Variants in SLCO3A1 observed in about 807,000 individuals in gnomAD.
The protein encoded by SLCO3A1 is solute carrier organic anion transporter family member 3A1.
A neutral mutation model predicts 63.1 loss-of-function variants in SLCO3A1; 27 were observed. The observed-to-expected ratio is 0.43, with a 90% CI of 0.32 to 0.59. SLCO3A1 has a LOEUF of 0.59. Ranked by LOEUF, SLCO3A1 falls within the 20% of genes least tolerant of loss-of-function variation. The pLI is 0.09. For synonymous variants in SLCO3A1, 473 were observed against 409.9 expected (o/e 1.15, Z -1.86); for missense variants, 773 against 945.8 (o/e 0.82, Z 2.40).
At chr15:91,864,782 C>T (rs771926047) in intron 1 of SLCO3A1, among the ~76,000 whole-genome samples, 2 of 152,188 alleles carry the variant, frequency 1.3e-5, no homozygotes, top group Admixed American at 6.5e-5. Flanking sequence ...TGAGGTCTGT[C>T]GCCTTGGTGC....
intron 3 of SLCO3A1, among the ~76,000 whole-genome samples, chr15:92,096,155 C>A (rs1165300422): frequency 6.6e-6 from 1 of 152,122 alleles, no homozygotes; most frequent in African/African-American, 2.4e-5. Context: ...TTGGATCATC[C>A]CAAGGCTCAG....
At position 92,128,424 on chromosome 15, in the gene SLCO3A1, A is replaced by G. The variant is rs2047952105; in HGVS notation, c.1447A>G (p.Thr483Ala). ...CTGTGAATGCCAAACCGATTCCTTC[A>G]CTCCAGTGTGTGGGGCAGATGGCAT... ...NNCECQTDSF[T>A]PVCGADGITY... The change falls in exon 7 of 10, where the codon ACT becomes GCT. Residue 483 changes from threonine to alanine, a missense_variant. Thr to Ala is a moderately conservative substitution (Grantham distance 58). Coordinates refer to ENST00000318445, the MANE Select transcript of SLCO3A1 (RefSeq NM_013272.4). 6.2e-7 allele frequency: 1 copy of G among 1,613,530 alleles called. No homozygotes were observed. Among genetic ancestry groups the G allele is most frequent in the East Asian group, 2.2e-5 (1 of 44,860 alleles).
rs1408369059 is a variant in SLCO3A1, at chr15:92,084,150, TATA to T, written c.647-10725_647-10723del. Among the ~76,000 whole-genome samples the T allele has an allele frequency of 2.6e-5, 4 of 152,320 alleles. No individual in the cohort carries two copies. The East Asian group carries it at 7.7e-4, about 29-fold the overall frequency. On this transcript the variant is annotated intron_variant, in intron 2 of 9. Coordinates refer to ENST00000318445, the MANE Select transcript of SLCO3A1 (RefSeq NM_013272.4). ...CGCATATGAAGAAAGACAGTACAAA[TATA>T]ATAATGCCTAAAGGGAAATATGAGA...
intron 8 of SLCO3A1, 88 bp downstream of exon 8, chr15:92,147,247 G>C (rs1321264464): frequency 4.5e-6 from 6 of 1,337,296 alleles, no homozygotes; most frequent in Non-Finnish European, 6.2e-6. Flanking sequence ...CAGACAACAG[G>C]AATCTCTCGA....
rs546250011 is a variant in SLCO3A1, at chr15:92,033,437, G to A, written c.647-61444G>A. On this transcript the variant is annotated intron_variant, in intron 2 of 9. Transcript: ENST00000318445. The surrounding 1 kb of genome is among the most constrained non-coding windows in gnomAD (Gnocchi z 4.5). ...GAGAAGTAACGATGTTCACGCTTGG[G>A]CAGCTGGATGGACACGTCGTGGAGT... 2.0e-5 allele frequency among the ~76,000 whole-genome samples: 3 copies of A among 152,270 alleles called. No individual in the cohort carries two copies. The South Asian group carries it at 6.2e-4, about 32-fold the overall frequency.
chr15:92,032,647 G>T (rs1421581340), intron 2 of SLCO3A1, among the ~76,000 whole-genome samples: 1 of 150,896 alleles, frequency 6.6e-6, no homozygotes, highest in Non-Finnish European at 1.5e-5. Context: ...AAAGCCCTGG[G>T]TGCGGTGATT....
chr15:92,086,212 GT>G (rs891974717), intron 2 of SLCO3A1, among the ~76,000 whole-genome samples: 2 of 152,212 alleles, frequency 1.3e-5, no homozygotes, highest in Non-Finnish European at 2.9e-5. Context: ...ACACTGCCAA[GT>G]TTTGCCAAGG....
At chr15:92,039,045 A>G (rs566368256) in intron 2 of SLCO3A1, among the ~76,000 whole-genome samples, 140 of 152,330 alleles carry the variant, frequency 9.2e-4, no homozygotes, top group African/African-American at 3.2e-3. Flanking sequence ...CTGGCTAGCC[A>G]TATTTAGAAA....
chr15:92,050,923 T>C (rs1319824018), intron 2 of SLCO3A1, among the ~76,000 whole-genome samples: 1 of 152,074 alleles, frequency 6.6e-6, no homozygotes. Flanking sequence ...TCACGCATGC[T>C]TTTCCCTCCA....
At chr15:91,961,114 C>T (rs757733591) in intron 2 of SLCO3A1, among the ~76,000 whole-genome samples, 1 of 152,218 alleles carries the variant, frequency 6.6e-6, no homozygotes, top group African/African-American at 2.4e-5. Context: ...TGACTTTAAG[C>T]ATACTTGTCT....
At chr15:91,907,349 GCACCC>G (rs1898341859) in intron 1 of SLCO3A1, among the ~76,000 whole-genome samples, 1 of 151,970 alleles carries the variant, frequency 6.6e-6, no homozygotes, top group Admixed American at 6.6e-5. Flanking sequence ...GGGATTACAG[GCACCC>G]GCCACCAAGC....
intron 2 of SLCO3A1, among the ~76,000 whole-genome samples, chr15:91,999,101 G>A (rs745620044): frequency 7.2e-5 from 11 of 152,284 alleles, no homozygotes; most frequent in African/African-American, 1.4e-4. Flanking sequence ...ACTCGTGGAC[G>A]TAAAGTCGGC....
At position 91,916,476 on chromosome 15, in the gene SLCO3A1, C is replaced by G. The variant is rs1317889543; in HGVS notation, c.646+18C>G. ...CTATATAGGTAGGAGCTGCCCCAGC[C>G]GTATTAGCAAGAGACCAGGGTGTGT... On this transcript the variant is annotated intron_variant, in intron 2 of 9. Transcript: ENST00000318445. The surrounding 1 kb of genome is among the most constrained non-coding windows in gnomAD (Gnocchi z 6.2). 1.3e-6 allele frequency: 2 copies of G among 1,555,500 alleles called. No individual in the cohort carries two copies. Among genetic ancestry groups the G allele is most frequent in the Admixed American group, 2.0e-5 (1 of 49,926 alleles).
chr15:92,087,595 C>G (rs1239797025), intron 2 of SLCO3A1, among the ~76,000 whole-genome samples: 1 of 150,204 alleles, frequency 6.7e-6, no homozygotes, highest in Non-Finnish European at 1.5e-5. Context: ...CTTGGCTCAC[C>G]TCAACCTCTG....
At position 92,164,426 on chromosome 15, in the gene SLCO3A1, TC is replaced by T. The variant is rs2048475903; in HGVS notation, c.*1295del. The T allele has an allele frequency of 1.0e-6, 1 of 985,302 alleles. No homozygotes were observed. The highest frequency in any genetic ancestry group is 1.7e-5 in the African/African-American group (1 of 57,226). The allele number at this position is 985,302 out of a possible 1,614,324, so 61.0% of individuals were successfully genotyped here. A position where few individuals can be genotyped will look rare whatever the true frequency, so the allele number is the denominator to read the frequency against. ...TTGCAAATTTGCCTTTTAGCTTCCTTCCCCATGATTCAGTGATCACTGTCAC... is the reference window on the plus strand; with the variant it reads ...TTGCAAATTTGCCTTTTAGCTTCCTTCCCATGATTCAGTGATCACTGTCAC... On this transcript the variant is annotated 3_prime_UTR_variant, in exon 10 of 10. Transcript: ENST00000318445.
At chr15:92,043,938 C>A (rs1288288290) in intron 2 of SLCO3A1, among the ~76,000 whole-genome samples, 1 of 152,158 alleles carries the variant, frequency 6.6e-6, no homozygotes, top group South Asian at 2.1e-4. Context: ...GAGCCTGCTT[C>A]CTTTCTGCTT....
intron 2 of SLCO3A1, among the ~76,000 whole-genome samples, chr15:91,921,132 A>G (rs1465815642): frequency 6.6e-6 from 1 of 152,220 alleles, no homozygotes. Flanking sequence ...TTAAGGTGCC[A>G]CAGGGTTGGC....
In SLCO3A1 at chr15:92,089,185, C is replaced by A. The variant is rs1422835611; in HGVS notation, c.647-5696C>A. Among the ~76,000 whole-genome samples, 3 of 152,156 alleles carry A rather than the reference C, an allele frequency of 2.0e-5. No individual in the cohort carries two copies. The East Asian group carries it at 5.8e-4, about 29-fold the overall frequency. On this transcript the variant is annotated intron_variant, in intron 2 of 9. Coordinates refer to ENST00000318445, the MANE Select transcript of SLCO3A1 (RefSeq NM_013272.4). ...TTGACTACAGGCACCTGCCACTACG[C>A]CCGGCTAATTTTTTGTATTTTTAGT...
rs1441517922 is a variant in SLCO3A1, at chr15:92,163,702, A to T, written c.*567A>T. The T allele has an allele frequency of 1.8e-5, 18 of 985,314 alleles. No individual in the cohort carries two copies. Among genetic ancestry groups the T allele is most frequent in the Non-Finnish European group, 2.0e-5 (17 of 829,978 alleles). The allele number at this position is 985,314 out of a possible 1,614,324, so 61.0% of individuals were successfully genotyped here. On this transcript the variant is annotated 3_prime_UTR_variant, in exon 10 of 10. Transcript: ENST00000318445. The stretch of plus-strand genomic sequence containing the variant: ...ACCACTCCTCTCTCTGACTTTCGCA[A>T]TATGGGTCACTGTGTAGACGACTCA...
Sources: gnomAD v4.1 joint callset for allele counts (sites outside exome capture counted in the v4.1 genomes callset) on GRCh38, gnomAD v4.1.1 for gene constraint, Gnocchi (gnomAD v3.1) non-coding constraint, MANE v1.5 for transcripts, NCBI Gene and HGNC (gene_info 2026-07-23, HGNC 2026-07-21) for gene names.